The following PCDHA5 variants were observed in gnomAD, a reference collection of about 807,000 sequenced individuals.
PCDHA5 encodes protocadherin alpha 5, also known as protocadherin alpha-5.
Under a neutral mutation model 61.6 loss-of-function variants are expected in PCDHA5, and 43 were observed. The ratio of observed to expected loss-of-function variants is 0.70; its 90% CI spans 0.55 to 0.90. The LOEUF (loss-of-function observed/expected upper bound fraction) is 0.90, where lower values mean the gene tolerates loss of function less well. PCDHA5 is among the 40% of genes least tolerant of loss of function. PCDHA5 has a pLI of 0.00. For missense variants in PCDHA5, 1,298 were observed against 1,222.7 expected, an observed-to-expected ratio of 1.06 and a Z score of -0.92; for synonymous variants, 627 against 543.9, an observed-to-expected ratio of 1.15 and a Z score of -2.13.
chr5:140,846,373 CT>C (rs2150388509), intron 1 of PCDHA5, among the ~76,000 whole-genome samples: 2,055 of 55,084 alleles, frequency 0.037, 29 homozygotes, highest in African/African-American at 0.088. Flanking sequence ...TTCTTTCTTT[CT>C]TTTTTTTTTT....
chr5:140,876,801 G>A lies in PCDHA5; in HGVS notation c.2352+52674G>A, dbSNP rs1015597244. 3.1e-6 allele frequency: 5 copies of A among 1,614,114 alleles called. No homozygotes were observed. The African/African-American group carries it at 6.7e-5, about 22-fold the overall frequency. On this transcript the variant is annotated intron_variant, in intron 1 of 3. Transcript: ENST00000529859. ...TGTGGGCCACGGCTAGAGTGTCCGT[G>A]GAGGTGGCCGACGTGAACGACAATG...
rs542701193 is a variant in PCDHA5 at position 140,931,976 on chromosome 5, A to G, written c.2353-46973A>G. 2.6e-5 allele frequency among the ~76,000 whole-genome samples: 4 copies of G among 152,074 alleles called. No homozygotes were observed. In the East Asian group the frequency reaches 7.7e-4, roughly 29 times the overall value. On this transcript the variant is annotated intron_variant, in intron 1 of 3. Coordinates refer to ENST00000529859, the MANE Select transcript of PCDHA5 (RefSeq NM_018908.3). ...GAATCATGTTGATGCATATGTGTTTATATTTTGCTCAAATTCTAAGTTCTT... is the reference window on the plus strand; with the variant it reads ...GAATCATGTTGATGCATATGTGTTTGTATTTTGCTCAAATTCTAAGTTCTT...
intron 3 of PCDHA5, among the ~76,000 whole-genome samples, chr5:140,987,781 A>G (rs2097267961): frequency 6.6e-6 from 1 of 152,208 alleles, no homozygotes; most frequent in East Asian, 1.9e-4. Context: ...AGAATCTGCT[A>G]TAGAGAAGAT....
intron 1 of PCDHA5, chr5:140,853,268 G>A: frequency 9.2e-6 from 9 of 975,960 alleles, no homozygotes; most frequent in Non-Finnish European, 1.1e-5. Context: ...CAGAGTACAA[G>A]CTCTCATCAT....
intron 1 of PCDHA5, among the ~76,000 whole-genome samples, chr5:140,907,595 A>C (rs1278261727): frequency 6.6e-6 from 1 of 152,198 alleles, no homozygotes; most frequent in African/African-American, 2.4e-5. Flanking sequence ...GATCACCCTG[A>C]GGAATGGTGC....
intron 1 of PCDHA5, among the ~76,000 whole-genome samples, chr5:140,910,377 C>T (rs1053075333): frequency 6.6e-6 from 1 of 152,244 alleles, no homozygotes; most frequent in East Asian, 1.9e-4. Flanking sequence ...GCCCACCTTG[C>T]CTTTGACAGT....
intron 1 of PCDHA5, chr5:140,870,744 C>G: frequency 3.7e-6 from 6 of 1,613,474 alleles, no homozygotes; most frequent in Non-Finnish European, 5.1e-6. Flanking sequence ...TGAGCAGCAA[C>G]GTGACGCTGC....
intron 1 of PCDHA5, among the ~76,000 whole-genome samples, chr5:140,918,586 G>A (rs2078766446): frequency 6.6e-6 from 1 of 152,188 alleles, no homozygotes; most frequent in South Asian, 2.1e-4. Context: ...TTGGCTATAT[G>A]TTCTATAGAT....
intron 1 of PCDHA5, chr5:140,828,633 A>T (rs1221844247): frequency 6.2e-7 from 1 of 1,614,094 alleles, no homozygotes; most frequent in Non-Finnish European, 8.5e-7. Context: ...TTCGGGCTAG[A>T]TGTGAAAATA....
intron 1 of PCDHA5, chr5:140,967,813 C>T (rs12153295): frequency 0.14 from 229,585 of 1,614,060 alleles, 17,281 homozygotes; most frequent in Middle Eastern, 0.18. Context: ...CAGGTCACTG[C>T]AAGGTGCTGG....
chr5:140,863,024 C>G (rs563115859), intron 1 of PCDHA5: 7 of 555,234 alleles, frequency 1.3e-5, no homozygotes, highest in Non-Finnish European at 2.1e-5. Flanking sequence ...CTGGTTGTCG[C>G]AACAGCTGCA....
chr5:140,869,809 A>G, intron 1 of PCDHA5: 15 of 1,612,564 alleles, frequency 9.3e-6, no homozygotes, highest in Non-Finnish European at 1.3e-5. Flanking sequence ...CTTGGATGTC[A>G]ACGACAATGA....
chr5:140,842,639 A>C, intron 1 of PCDHA5: 1 of 1,595,430 alleles, frequency 6.3e-7, no homozygotes, highest in Non-Finnish European at 8.6e-7. Flanking sequence ...GGCCACCGCC[A>C]GCTTGTCTGT....
intron 1 of PCDHA5, chr5:140,881,346 A>G (rs534939044): frequency 1.0e-6 from 1 of 985,162 alleles, no homozygotes; most frequent in Non-Finnish European, 1.2e-6. Context: ...GATTCGGGCT[A>G]CAATGCGTGG....
intron 1 of PCDHA5, chr5:140,828,686 T>A: frequency 6.2e-7 from 1 of 1,614,164 alleles, no homozygotes; most frequent in Non-Finnish European, 8.5e-7. Context: ...ATTAAAGAAA[T>A]CCTTGGACAG....
intron 1 of PCDHA5, among the ~76,000 whole-genome samples, chr5:140,956,852 G>T (rs931766503): frequency 3.3e-5 from 5 of 152,060 alleles, no homozygotes; most frequent in African/African-American, 1.2e-4. Context: ...TGGGTTAAAT[G>T]GTTGAATGAA....
intron 1 of PCDHA5, among the ~76,000 whole-genome samples, chr5:140,976,809 T>C (rs1563451400): frequency 6.6e-6 from 1 of 152,220 alleles, no homozygotes; most frequent in Non-Finnish European, 1.5e-5. Flanking sequence ...TATCTGAAGA[T>C]ATGCATGTGT....
At chr5:140,848,730 C>A (rs2150418805) in intron 1 of PCDHA5, 1 of 1,592,792 alleles carries the variant, frequency 6.3e-7, no homozygotes, top group Non-Finnish European at 8.6e-7. Context: ...GGAGGTAAAT[C>A]TGCAGAATGG....
intron 1 of PCDHA5, chr5:140,927,000 A>G (rs1554203899): frequency 1.2e-6 from 2 of 1,612,352 alleles, no homozygotes; most frequent in Non-Finnish European, 1.7e-6. Flanking sequence ...GCGTAGCCGT[A>G]GGCAATCTCT....
Sources: gnomAD v4.1 joint callset for allele counts (sites outside exome capture counted in the v4.1 genomes callset) on GRCh38, gnomAD v4.1.1 for gene constraint, MANE v1.5 for transcripts, NCBI Gene and HGNC (gene_info 2026-07-23, HGNC 2026-07-21) for gene names.